The following SLC17A4 variants were observed in gnomAD, a reference collection of about 807,000 sequenced individuals.
SLC17A4 encodes probable small intestine urate exporter.
A neutral mutation model predicts 52.5 loss-of-function variants in SLC17A4; 33 were observed. That is an observed-to-expected ratio of 0.63 (90% CI 0.48 to 0.84). The LOEUF is 0.84. Among genes scored for constraint, SLC17A4 ranks in the 40% least tolerant of loss-of-function variants. The pLI is 0.00. For missense variants in SLC17A4, 585 were observed against 597.1 expected (o/e 0.98, Z 0.21); for synonymous variants, 225 against 216.2 (o/e 1.04, Z -0.36).
chr6:25,777,237 A>G, intron 10 of SLC17A4: 1 of 381,846 alleles, frequency 2.6e-6, no homozygotes, highest in Non-Finnish European at 4.7e-6. Flanking sequence ...TGAGGAATGC[A>G]GCACTTGCCT....
At chr6:25,778,660 A>G (rs1220891087) in intron 11 of SLC17A4, among the ~76,000 whole-genome samples, 1 of 152,232 alleles carries the variant, frequency 6.6e-6, no homozygotes, top group African/African-American at 2.4e-5. Flanking sequence ...GAAGTAAAAT[A>G]TATGACATAT....
chr6:25,774,759 T>C (rs1029283052), intron 8 of SLC17A4, among the ~76,000 whole-genome samples: 1 of 152,110 alleles, frequency 6.6e-6, no homozygotes, highest in African/African-American at 2.4e-5. Context: ...GAAAGACAAG[T>C]AGTGACCAGA....
chr6:25,775,506 G>T (rs1762835396), intron 8 of SLC17A4, among the ~76,000 whole-genome samples: 1 of 151,916 alleles, frequency 6.6e-6, no homozygotes. Flanking sequence ...TTCACTCATG[G>T]CTCACTAAAG....
At position 25,776,671 on chromosome 6, in the gene SLC17A4, T is replaced by C. The variant is rs1323429571; in HGVS notation, c.1064T>C (p.Leu355Pro). Residue 355 changes from leucine (L) to proline (P), a missense_variant, in exon 9 of 12, where the codon CTT becomes CCT. By Grantham distance (98) the Leu-to-Pro change is moderately conservative. Transcript: ENST00000377905. The stretch of plus-strand genomic sequence containing the variant: ...CTTGGAGGTCTACTGGCAGACTTTC[T>C]TCTCTCCAGAAAAATCCTCAGACTC... ...IILGGLLADF[L>P]LSRKILRLIT... The C allele has an allele frequency of 2.5e-6, 4 of 1,613,856 alleles. No homozygotes were observed. Among genetic ancestry groups the C allele is most frequent in the South Asian group, 2.2e-5 (2 of 91,084 alleles).
Position 25,756,110 on chromosome 6 carries a change from G to C in SLC17A4, c.-37+1329G>C, listed in dbSNP as rs146354919. Among the ~76,000 whole-genome samples, 45 of 152,220 alleles carry C rather than the reference G, an allele frequency of 3.0e-4. No homozygotes were observed. The East Asian group carries it at 8.7e-3, about 29-fold the overall frequency. On this transcript the variant is annotated intron_variant, in intron 1 of 11. Coordinates refer to ENST00000377905, the MANE Select transcript of SLC17A4 (RefSeq NM_005495.3). ...TCCTTTACAGCCCATGTGCCACACA[G>C]TGGCCATAGTAGATCCAGTCCCCTT...
Position 25,779,407 on chromosome 6 carries a change from G to T in SLC17A4, c.*219G>T. The T allele has an allele frequency of 7.9e-6, 4 of 507,980 alleles. No individual in the cohort carries two copies. Among genetic ancestry groups the T allele is most frequent in the Non-Finnish European group, 1.3e-5 (4 of 297,810 alleles). 31.5% of individuals were successfully genotyped at this position (507,980 alleles called of 1,614,324 possible). On this transcript the variant is annotated 3_prime_UTR_variant, in exon 12 of 12. Coordinates refer to ENST00000377905, the MANE Select transcript of SLC17A4 (RefSeq NM_005495.3). The stretch of plus-strand genomic sequence containing the variant: ...AGCATAGGTGTGTTGAGATTTCTGT[G>T]TTCTCCACTCTTCCACTGTTATCCT...
In SLC17A4 at chr6:25,773,376, T is replaced by C. The variant is rs1762637007; in HGVS notation, c.808T>C (p.Cys270Arg). 6.2e-7 allele frequency: 1 copy of C among 1,613,904 alleles called. No homozygotes were observed. The highest frequency in any genetic ancestry group is 1.3e-5 in the African/African-American group (1 of 75,038). The change falls in exon 7 of 12, where the codon TGT becomes CGT. Residue 270 changes from cysteine to arginine, a missense_variant. Physicochemically the swap from Cys to Arg is radical, Grantham distance 180 (BLOSUM62 -3). Coordinates refer to ENST00000377905, the MANE Select transcript of SLC17A4 (RefSeq NM_005495.3). The part of the protein sequence containing the change: ...ISAGEKRYIV[C>R]SLAQQDCSPG... ...TGCTGGTGAGAAGAGATACATTGTG[T>C]GTTCATTGGCTCAGCAGGTACATTG...
intron 1 of SLC17A4, among the ~76,000 whole-genome samples, chr6:25,759,989 G>A (rs781233904): frequency 6.6e-6 from 1 of 152,132 alleles, no homozygotes; most frequent in Non-Finnish European, 1.5e-5. Context: ...ATATTATTCT[G>A]TGTGGCTGTG....
Position 25,762,041 on chromosome 6 carries a change from T to C in SLC17A4, c.79T>C (p.Cys27Arg), listed in dbSNP as rs1368962339. 6.2e-7 allele frequency: 1 copy of C among 1,613,244 alleles called. No individual in the cohort carries two copies. The highest frequency in any genetic ancestry group is 8.5e-7 in the Non-Finnish European group (1 of 1,179,698). Residue 27 changes from cysteine to arginine, a missense_variant, in exon 2 of 12, where the codon TGC becomes CGC. Transcript: ENST00000377905. ...CAATTTAAACGTGGCTCAAGAGGAA[T>C]GCTCCAGGAAAGGTAAAATCATGCA... is the stretch of plus-strand genomic sequence containing the variant. ...DGNLNVAQEECSRKGFCSVRH... is the reference protein window; with the variant it reads ...DGNLNVAQEERSRKGFCSVRH...
intron 2 of SLC17A4, 123 bp downstream of exon 2, chr6:25,762,176 A>G: frequency 1.4e-6 from 1 of 732,222 alleles, no homozygotes; most frequent in South Asian, 2.0e-5. Flanking sequence ...TTTCCTTGCT[A>G]CCACCAATTG....
rs80230923 is a variant in SLC17A4 at position 25,773,516 on chromosome 6, T to G, written c.829T>G (p.Cys277Gly). 1.5e-3 allele frequency: 2,368 copies of G among 1,613,858 alleles called. 41 individuals are homozygous for G. In the East Asian group the frequency reaches 0.023, roughly 16 times the overall value. Residue 277 changes from cysteine to glycine, a missense_variant, in exon 8 of 12, where the codon TGT becomes GGT. Transcript: ENST00000377905. ...ATTGATGTGTGCTTTCTTCCAGGAC[T>G]GTTCACCAGGCTGGTCTCTTCCCAT... is the stretch of plus-strand genomic sequence containing the variant. The part of the protein sequence containing the change: ...YIVCSLAQQD[C>G]SPGWSLPIRA...
At position 25,776,631 on chromosome 6, in the gene SLC17A4, T is replaced by C. The variant is rs140978401; in HGVS notation, c.1024T>C (p.Cys342Arg). 2.3e-5 allele frequency: 37 copies of C among 1,613,130 alleles called. No individual in the cohort carries two copies. The highest frequency in any genetic ancestry group is 3.1e-5 in the Non-Finnish European group (36 of 1,179,482). Reference protein sequence around the residue: ...ILSALPFVVGCICIILGGLLA... With the variant: ...ILSALPFVVGRICIILGGLLA... ...GTCTGCCTTGCCGTTTGTTGTTGGATGTATCTGCATTATCCTTGGAGGTCT... is the reference window on the plus strand; with the variant it reads ...GTCTGCCTTGCCGTTTGTTGTTGGACGTATCTGCATTATCCTTGGAGGTCT... The change falls in exon 9 of 12, where the codon TGT becomes CGT. Residue 342 changes from cysteine (C) to arginine (R), a missense_variant. Physicochemically the swap from Cys to Arg is radical, Grantham distance 180. Transcript: ENST00000377905.
chr6:25,777,310 G>A, intron 10 of SLC17A4: 1 of 213,294 alleles, frequency 4.7e-6, no homozygotes, highest in Non-Finnish European at 9.3e-6. Flanking sequence ...AATCTTTAAT[G>A]AAGGCAAAGG....
rs1486487982 is a variant in SLC17A4, at chr6:25,779,306, C to T, written c.*118C>T. 4.3e-5 allele frequency: 60 copies of T among 1,392,292 alleles called. No individual in the cohort carries two copies. Among genetic ancestry groups the T allele is most frequent in the Middle Eastern group, 1.9e-4 (1 of 5,342 alleles). 86.2% of individuals were successfully genotyped at this position (1,392,292 alleles called of 1,614,324 possible). On this transcript the variant is annotated 3_prime_UTR_variant, in exon 12 of 12. Coordinates refer to ENST00000377905, the MANE Select transcript of SLC17A4 (RefSeq NM_005495.3). ...CATTAGCTAGACCCTGACTATGTAA[C>T]GCTAAAGATTTTACCATGCCTGGAA... is the stretch of plus-strand genomic sequence containing the variant.
chr6:25,756,202 T>C (rs1761001259), intron 1 of SLC17A4, among the ~76,000 whole-genome samples: 1 of 152,054 alleles, frequency 6.6e-6, no homozygotes, highest in Admixed American at 6.5e-5. Context: ...GCCCACCCCT[T>C]TGATCTCATC....
intron 2 of SLC17A4, among the ~76,000 whole-genome samples, chr6:25,768,763 A>T (rs1264017448): frequency 6.6e-6 from 1 of 152,144 alleles, no homozygotes; most frequent in Non-Finnish European, 1.5e-5. Flanking sequence ...TGTTCTGACC[A>T]ACTCCACACA....
At chr6:25,770,613 T>C in intron 5 of SLC17A4, 142 bp downstream of exon 5, 1 of 764,978 alleles carries the variant, frequency 1.3e-6, no homozygotes, top group Non-Finnish European at 2.2e-6. Flanking sequence ...ACTGCCTTAC[T>C]TGATTGTAAC....
At chr6:25,764,247 T>C (rs917705027) in intron 2 of SLC17A4, among the ~76,000 whole-genome samples, 18 of 152,158 alleles carry the variant, frequency 1.2e-4, no homozygotes, top group African/African-American at 4.3e-4. Context: ...GATTGTAGCT[T>C]CCAGATATTT....
intron 4 of SLC17A4, 22 bp downstream of exon 4, chr6:25,770,322 A>G (rs373860279): frequency 1.4e-5 from 23 of 1,613,742 alleles, no homozygotes; most frequent in Middle Eastern, 1.6e-4. Context: ...TTTTCCAGGT[A>G]TAAGTGGAAT....
Sources: allele counts gnomAD v4.1 joint callset (sites outside exome capture counted in the v4.1 genomes callset), GRCh38; gene constraint gnomAD v4.1.1; transcripts MANE v1.5; gene names NCBI Gene and HGNC (gene_info 2026-07-23, HGNC 2026-07-21).